Variants in USP6NL observed in about 807,000 individuals in gnomAD.
The protein encoded by USP6NL is USP6 N-terminal-like protein.
A neutral mutation model predicts 61.9 loss-of-function variants in USP6NL; 26 were observed. That is an observed-to-expected ratio of 0.42 (90% CI 0.31 to 0.58). The LOEUF is 0.58. Among genes scored for constraint, USP6NL ranks in the 20% least tolerant of loss-of-function variants. The probability of loss-of-function intolerance (pLI) is 0.16; values close to 1 mark genes in which losing one functional copy is unlikely to be tolerated. For missense variants in USP6NL, 1,114 were observed against 1,034.3 expected (o/e 1.08, Z -1.06); for synonymous variants, 432 against 390.1 (o/e 1.11, Z -1.27).
chr10:11,596,107 C>T lies in USP6NL; in HGVS notation c.4+1524G>A, dbSNP rs530546799. On this transcript the variant is annotated intron_variant, in intron 2 of 14. Transcript: ENST00000609104. The surrounding 1 kb of genome is among the most constrained non-coding windows in gnomAD (Gnocchi z 4.1). The stretch of plus-strand genomic sequence containing the variant: ...AACATGAAAGGCACAGGCTACCTGC[C>T]GTCAAAAAAACTTACATCTGCAACA... 6.8e-4 allele frequency among the ~76,000 whole-genome samples: 104 copies of T among 152,142 alleles called. No individual in the cohort carries two copies. Among genetic ancestry groups the T allele is most frequent in the Non-Finnish European group, 2.2e-4 (15 of 67,988 alleles).
At chr10:11,603,307 C>G (rs1330212685) in intron 1 of USP6NL, among the ~76,000 whole-genome samples, 1 of 152,172 alleles carries the variant, frequency 6.6e-6, no homozygotes, top group Admixed American at 6.5e-5. Flanking sequence ...AAACAAATGT[C>G]CATTCCAAGT....
intron 2 of USP6NL, among the ~76,000 whole-genome samples, chr10:11,582,808 G>A (rs1023557516): frequency 7.3e-5 from 11 of 151,528 alleles, no homozygotes; most frequent in African/African-American, 2.2e-4. Flanking sequence ...TCACAAACAC[G>A]GGAAATAAAA....
intron 2 of USP6NL, among the ~76,000 whole-genome samples, chr10:11,554,301 A>G (rs1387996819): frequency 2.6e-5 from 4 of 152,262 alleles, no homozygotes; most frequent in Non-Finnish European, 5.9e-5. Context: ...AAGATCCTAC[A>G]GAAAAAGAAA....
intron 6 of USP6NL, among the ~76,000 whole-genome samples, chr10:11,504,603 TG>T (rs1834356746): frequency 6.6e-6 from 1 of 152,274 alleles, no homozygotes; most frequent in Admixed American, 6.5e-5. Flanking sequence ...AAGTGATAGC[TG>T]GTTGTCCTCA....
In USP6NL at chr10:11,481,730, T is replaced by C; in HGVS notation, c.1078+40A>G. The stretch of plus-strand genomic sequence containing the variant: ...TTAATTATGCCATGTCTTCCAATCT[T>C]AATTATAACGTAGATATAAAGTATT... On this transcript the variant is annotated intron_variant, in intron 14 of 14. Transcript: ENST00000609104. The surrounding 1 kb of genome is among the most constrained non-coding windows in gnomAD (Gnocchi z 4.4). The C allele has an allele frequency of 1.3e-6, 2 of 1,555,284 alleles. No individual in the cohort carries two copies. Among genetic ancestry groups the C allele is most frequent in the Non-Finnish European group, 1.7e-6 (2 of 1,154,442 alleles).
At chr10:11,507,863 A>C (rs1401194245) in intron 6 of USP6NL, among the ~76,000 whole-genome samples, 1 of 152,174 alleles carries the variant, frequency 6.6e-6, no homozygotes, top group East Asian at 1.9e-4. Flanking sequence ...CAGCAGAAAA[A>C]AGTTAAATGC....
intron 2 of USP6NL, among the ~76,000 whole-genome samples, chr10:11,530,931 G>T (rs1020590777): frequency 3.9e-5 from 6 of 152,152 alleles, no homozygotes; most frequent in African/African-American, 1.4e-4. Flanking sequence ...AAATTCTGTT[G>T]AAAGAACCAA....
At chr10:11,514,250 A>G (rs1284085123) in intron 5 of USP6NL, among the ~76,000 whole-genome samples, 1 of 124,110 alleles carries the variant, frequency 8.1e-6, no homozygotes, top group African/African-American at 2.6e-5. Context: ...TGGGGCGCAT[A>G]TCATGTTCCT....
At chr10:11,521,062 T>C (rs1284486223) in intron 4 of USP6NL, among the ~76,000 whole-genome samples, 1 of 152,176 alleles carries the variant, frequency 6.6e-6, no homozygotes, top group Non-Finnish European at 1.5e-5. Flanking sequence ...TTTGAAAGTA[T>C]TACTAATCGG....
intron 2 of USP6NL, among the ~76,000 whole-genome samples, chr10:11,535,123 G>C (rs1267486271): frequency 6.6e-6 from 1 of 152,204 alleles, no homozygotes; most frequent in Non-Finnish European, 1.5e-5. Context: ...GCCCGGCAGT[G>C]CCCCTAAAGG....
At position 11,600,736 on chromosome 10, in the gene USP6NL, G is replaced by A. The variant is rs1239645808; in HGVS notation, c.-83-3019C>T. Among the ~76,000 whole-genome samples, 7 of 152,272 alleles carry A rather than the reference G, an allele frequency of 4.6e-5. No individual in the cohort carries two copies. The highest frequency in any genetic ancestry group is 2.1e-4 in the South Asian group (1 of 4,820). On this transcript the variant is annotated intron_variant, in intron 1 of 14. Coordinates refer to ENST00000609104, the MANE Select transcript of USP6NL (RefSeq NM_014688.5). The surrounding 1 kb of genome is among the most constrained non-coding windows in gnomAD (Gnocchi z 4.1). ...TGTAATCCCAGCACTTTGGGAGGCCGAGGCGGGTGGATCACGAGGTCAGGA... is the reference window on the plus strand; with the variant it reads ...TGTAATCCCAGCACTTTGGGAGGCCAAGGCGGGTGGATCACGAGGTCAGGA...
At position 11,478,989 on chromosome 10, in the gene USP6NL, C is replaced by A. The variant is rs1415875320; in HGVS notation, c.1078+2781G>T. Among the ~76,000 whole-genome samples, 1 of 151,122 alleles carries A rather than the reference C, an allele frequency of 6.6e-6. No homozygotes were observed. The highest frequency in any genetic ancestry group is 1.5e-5 in the Non-Finnish European group (1 of 67,578). ...ATGTAATGTAATAAATGCCACTAAT[C>A]CACATGACTAATGGTTTGGAAAATA... On this transcript the variant is annotated intron_variant, in intron 14 of 14. Transcript: ENST00000609104. The surrounding 1 kb of genome is among the most constrained non-coding windows in gnomAD (Gnocchi z 6.8).
chr10:11,476,037 A>G lies in USP6NL; in HGVS notation c.1078+5733T>C, dbSNP rs1832956809. Among the ~76,000 whole-genome samples the G allele has an allele frequency of 6.6e-6, 1 of 152,206 alleles. No individual in the cohort carries two copies. Among genetic ancestry groups the G allele is most frequent in the Non-Finnish European group, 1.5e-5 (1 of 68,036 alleles). ...GAATAGTGGGACTGTGCTCTTCAGC[A>G]GCTCAGTGTCATTCAGAGGAAAACA... is the stretch of plus-strand genomic sequence containing the variant. On this transcript the variant is annotated intron_variant, in intron 14 of 14. Coordinates refer to ENST00000609104, the MANE Select transcript of USP6NL (RefSeq NM_014688.5). This position sits in a 1 kb window ranked among gnomAD's most constrained non-coding sequence, Gnocchi z 4.3.
chr10:11,494,426 C>T (rs78435202), intron 7 of USP6NL, among the ~76,000 whole-genome samples: 7,774 of 152,254 alleles, frequency 0.051, 289 homozygotes, highest in Middle Eastern at 0.095. Context: ...CTTCATCTTC[C>T]CTTCCTGTAG....
At chr10:11,572,557 T>C (rs1837401209) in intron 2 of USP6NL, among the ~76,000 whole-genome samples, 1 of 152,126 alleles carries the variant, frequency 6.6e-6, no homozygotes, top group Non-Finnish European at 1.5e-5. Flanking sequence ...GGTTGACTAT[T>C]TTATGTATCA....
At position 11,481,674 on chromosome 10, in the gene USP6NL, T is replaced by C; in HGVS notation, c.1078+96A>G. 1 of 1,328,180 alleles carries C rather than the reference T, an allele frequency of 7.5e-7. No homozygotes were observed. The highest frequency in any genetic ancestry group is 1.7e-5 in the South Asian group (1 of 57,428). The allele number at this position is 1,328,180 out of a possible 1,614,324, so 82.3% of individuals were successfully genotyped here. On this transcript the variant is annotated intron_variant, in intron 14 of 14. Coordinates refer to ENST00000609104, the MANE Select transcript of USP6NL (RefSeq NM_014688.5). The surrounding 1 kb of genome is among the most constrained non-coding windows in gnomAD (Gnocchi z 4.4). ...CCACATTATGTCATCACAAGTATAA[T>C]GCTTACGCTGTGGGCAAGAAACAGC...
At chr10:11,526,082 T>C (rs1281545271) in intron 3 of USP6NL, among the ~76,000 whole-genome samples, 1 of 138,242 alleles carries the variant, frequency 7.2e-6, no homozygotes, top group African/African-American at 2.5e-5. Flanking sequence ...TGTCCTCTCA[T>C]GGTCTCCTCA....
Position 11,602,076 on chromosome 10 carries a change from C to A in USP6NL, c.-83-4359G>T, listed in dbSNP as rs74116280. Among the ~76,000 whole-genome samples the A allele has an allele frequency of 3.1e-3, 470 of 152,266 alleles. 6 individuals carry two copies. The highest frequency in any genetic ancestry group is 0.011 in the African/African-American group (458 of 41,534). ...ACATACATATACATACATATACACA[C>A]ACACACACGTCCAAATAACAAGGGA... On this transcript the variant is annotated intron_variant, in intron 1 of 14. Coordinates refer to ENST00000609104, the MANE Select transcript of USP6NL (RefSeq NM_014688.5). The surrounding 1 kb of genome is among the most constrained non-coding windows in gnomAD (Gnocchi z 4.8).
intron 2 of USP6NL, among the ~76,000 whole-genome samples, chr10:11,569,634 T>A (rs769726502): frequency 2.6e-5 from 4 of 152,146 alleles, no homozygotes; most frequent in Non-Finnish European, 4.4e-5. Context: ...ATGTGACTGC[T>A]GGAGAAGGAG....
Sources: allele counts gnomAD v4.1 joint callset (sites outside exome capture counted in the v4.1 genomes callset), GRCh38; gene constraint gnomAD v4.1.1; non-coding constraint Gnocchi (gnomAD v3.1); transcripts MANE v1.5; gene names NCBI Gene and HGNC (gene_info 2026-07-23, HGNC 2026-07-21).